Variants in DGKE observed in about 807,000 individuals in gnomAD.
DGKE encodes diacylglycerol kinase epsilon.
Under a neutral mutation model 70.0 loss-of-function variants are expected in DGKE, and 53 were observed. The ratio of observed to expected loss-of-function variants is 0.76; its 90% CI spans 0.61 to 0.95. The LOEUF (loss-of-function observed/expected upper bound fraction) is 0.95, where lower values mean the gene tolerates loss of function less well. DGKE is among the 40% of genes least tolerant of loss of function. The probability of loss-of-function intolerance (pLI) is 0.00; values close to 1 mark genes in which losing one functional copy is unlikely to be tolerated. For missense variants in DGKE, 655 were observed against 706.9 expected (o/e 0.93, Z 0.83); for synonymous variants, 291 against 257.0 (o/e 1.13, Z -1.27).
chr17:56,855,114 GA>G (rs574695123), intron 7 of DGKE, among the ~76,000 whole-genome samples: 118 of 142,578 alleles, frequency 8.3e-4, no homozygotes, highest in African/African-American at 2.3e-3. Context: ...TAGGAAACTA[GA>G]AAAAAAAAAT....
chr17:56,845,741 T>G lies in DGKE; in HGVS notation c.676T>G (p.Ser226Ala), dbSNP rs1907243270. 5 of 1,612,702 alleles carry G rather than the reference T, an allele frequency of 3.1e-6. No individual in the cohort carries two copies. The highest frequency in any genetic ancestry group is 4.2e-6 in the Non-Finnish European group (5 of 1,179,276). Residue 226 changes from serine (S) to alanine (A), a missense_variant, in exon 4 of 12, where the codon TCT becomes GCT. Transcript: ENST00000284061. Reference protein sequence around the residue: ...QWTPLIILANSRSGTNMGEGL... With the variant: ...QWTPLIILANARSGTNMGEGL... Reference sequence around the variant, plus strand: ...GACCCCATTAATAATCCTGGCCAACTCTCGTAGTGGAACTAATATGGGAGA... The same window carrying G: ...GACCCCATTAATAATCCTGGCCAACGCTCGTAGTGGAACTAATATGGGAGA...
At chr17:56,861,242 G>A (rs1427263719) in intron 9 of DGKE, among the ~76,000 whole-genome samples, 1 of 149,048 alleles carries the variant, frequency 6.7e-6, no homozygotes, top group Non-Finnish European at 1.5e-5. Context: ...CCAGGAAAGA[G>A]TAAGTAAGAG....
chr17:56,839,086 G>A (rs945667728), intron 2 of DGKE, among the ~76,000 whole-genome samples: 11 of 152,228 alleles, frequency 7.2e-5, no homozygotes, highest in African/African-American at 2.4e-4. Context: ...ATTTTAAAAA[G>A]CAAGTAAACT....
In DGKE at chr17:56,834,973, C is replaced by A; in HGVS notation, c.178C>A (p.His60Asn). ...HRRDIFRKSK[H>N]GWRDTDLFSQ... is the part of the protein sequence containing the mutation. ...CAGGGACATCTTCCGCAAGAGCAAG[C>A]ACGGGTGGCGCGACACGGACCTGTT... is the stretch of plus-strand genomic sequence containing the variant. Residue 60 changes from histidine to asparagine, a missense_variant, in exon 2 of 12, where the codon CAC becomes AAC. Physicochemically the swap from His to Asn is moderately conservative, Grantham distance 68. Transcript: ENST00000284061. 1 of 1,612,980 alleles carries A rather than the reference C, an allele frequency of 6.2e-7. No homozygotes were observed. The highest frequency in any genetic ancestry group is 2.2e-5 in the East Asian group (1 of 44,860).
intron 2 of DGKE, among the ~76,000 whole-genome samples, chr17:56,843,728 GC>G (rs890189274): frequency 1.1e-4 from 16 of 151,434 alleles, no homozygotes; most frequent in African/African-American, 3.6e-4. Context: ...ATCCTGGGAG[GC>G]AGAGGTTGCG....
chr17:56,856,776 C>A, intron 8 of DGKE, 151 bp downstream of exon 8: 2 of 789,360 alleles, frequency 2.5e-6, no homozygotes, highest in Non-Finnish European at 1.8e-6. Context: ...CAAATTAGAT[C>A]TTTTTTTTTT....
At chr17:56,842,176 TAAGTC>T (rs1038649773) in intron 2 of DGKE, among the ~76,000 whole-genome samples, 3 of 152,148 alleles carry the variant, frequency 2.0e-5, no homozygotes, top group Admixed American at 6.5e-5. Context: ...TGAGAATAAA[TAAGTC>T]AAAAAGTTAA....
chr17:56,843,892 T>C (rs540325855), intron 2 of DGKE, 127 bp from the exon 3 acceptor site: 1 of 911,980 alleles, frequency 1.1e-6, no homozygotes, highest in Non-Finnish European at 1.6e-6. Context: ...ATATATTTTA[T>C]TTGCCAAATG....
chr17:56,839,411 C>G (rs1906827154), intron 2 of DGKE, among the ~76,000 whole-genome samples: 1 of 152,128 alleles, frequency 6.6e-6, no homozygotes, highest in African/African-American at 2.4e-5. Context: ...AGTTTGAAAT[C>G]TAGGTTGTTA....
chr17:56,835,328 AG>A, intron 2 of DGKE, 69 bp downstream of exon 2: 1 of 1,464,110 alleles, frequency 6.8e-7, no homozygotes, highest in African/African-American at 1.4e-5. Context: ...AGAGTGGTGT[AG>A]AGGCCTGCTT....
rs1271713931 is a variant in DGKE, at chr17:56,863,306, T to C, written c.*515T>C. On this transcript the variant is annotated 3_prime_UTR_variant, in exon 12 of 12. Coordinates refer to ENST00000284061, the MANE Select transcript of DGKE (RefSeq NM_003647.3). ...CTACAACCCAAACCAAGTGTATGTA[T>C]TGATTTCTAGGAACCCCCAAAAGGA... 1 of 152,268 alleles carries C rather than the reference T, an allele frequency of 6.6e-6. No individual in the cohort carries two copies. Among genetic ancestry groups the C allele is most frequent in the Non-Finnish European group, 1.5e-5 (1 of 68,062 alleles). 9.4% of individuals were successfully genotyped at this position (152,268 alleles called of 1,614,324 possible).
At chr17:56,839,770 C>A (rs1489348340) in intron 2 of DGKE, among the ~76,000 whole-genome samples, 1 of 152,196 alleles carries the variant, frequency 6.6e-6, no homozygotes, top group African/African-American at 2.4e-5. Flanking sequence ...ATCCTCGCAT[C>A]TTGGCCTCCC....
intron 7 of DGKE, among the ~76,000 whole-genome samples, chr17:56,852,624 C>T (rs55852686): frequency 0.048 from 7,250 of 151,642 alleles, 228 homozygotes; most frequent in Non-Finnish European, 0.072. Flanking sequence ...AAAAATTGAA[C>T]GTAAAAAAAT....
intron 2 of DGKE, among the ~76,000 whole-genome samples, chr17:56,842,743 T>C (rs1791997202): frequency 6.6e-6 from 1 of 152,246 alleles, no homozygotes; most frequent in African/African-American, 2.4e-5. Context: ...TTATCCTCTT[T>C]TCTTTTTTAT....
At chr17:56,843,212 T>G (rs1179221243) in intron 2 of DGKE, among the ~76,000 whole-genome samples, 1 of 152,202 alleles carries the variant, frequency 6.6e-6, no homozygotes, top group Non-Finnish European at 1.5e-5. Flanking sequence ...TACCATGTCA[T>G]AAATTAAAAC....
Position 56,835,086 on chromosome 17 carries a change from C to T in DGKE, c.291C>T (p.Gly97=). Residue 97 remains glycine (G), a synonymous_variant, in exon 2 of 12, where the codon GGC becomes GGT. Transcript: ENST00000284061. The stretch of plus-strand genomic sequence containing the variant: ...GCTGCGGGCTCCGCGTGGACGAGGG[C>T]TGCCTCAGGAAGGCCGACAAGCGCT... ...CDCCGLRVDE[G]CLRKADKRFQ... The T allele has an allele frequency of 6.2e-7, 1 of 1,613,640 alleles. No homozygotes were observed. The highest frequency in any genetic ancestry group is 8.5e-7 in the Non-Finnish European group (1 of 1,180,044).
intron 8 of DGKE, among the ~76,000 whole-genome samples, chr17:56,857,662 G>A (rs1482318663): frequency 1.3e-5 from 2 of 151,976 alleles, no homozygotes; most frequent in Admixed American, 6.6e-5. Flanking sequence ...AGATTAATAC[G>A]CATTACTATT....
At chr17:56,841,441 AT>A (rs1341484784) in intron 2 of DGKE, among the ~76,000 whole-genome samples, 2 of 152,180 alleles carry the variant, frequency 1.3e-5, no homozygotes, top group African/African-American at 4.8e-5. Flanking sequence ...ATTACATGCA[AT>A]TATTAAAACC....
intron 9 of DGKE, among the ~76,000 whole-genome samples, chr17:56,861,327 A>C (rs907341239): frequency 6.6e-5 from 10 of 152,236 alleles, no homozygotes; most frequent in African/African-American, 2.4e-4. Context: ...AGCAAATTGC[A>C]GAAAAGTTGC....
Sources: gnomAD v4.1 joint callset for allele counts (sites outside exome capture counted in the v4.1 genomes callset) on GRCh38, gnomAD v4.1.1 for gene constraint, MANE v1.5 for transcripts, NCBI Gene and HGNC (gene_info 2026-07-23, HGNC 2026-07-21) for gene names.